The following RAI1 variants were observed in gnomAD, a reference collection of about 807,000 sequenced individuals.
RAI1 encodes the protein retinoic acid-induced protein 1.
In RAI1, 9 loss-of-function variants were observed where a neutral mutation model predicts 123.8. That is an observed-to-expected ratio of 0.07 (90% CI 0.04 to 0.13). The LOEUF (loss-of-function observed/expected upper bound fraction) is 0.13, where lower values mean the gene tolerates loss of function less well. Ranked by LOEUF, RAI1 falls within the 10% of genes least tolerant of loss-of-function variation. The pLI, the probability that RAI1 is intolerant of heterozygous loss-of-function variation, is 1.00. For missense variants in RAI1, 2,256 were observed against 2,545.8 expected (o/e 0.89, Z 2.45); for synonymous variants, 1,231 against 1,127.3 (o/e 1.09, Z -1.84).
At position 17,810,618 on chromosome 17, in the gene RAI1, C is replaced by T. The variant is rs1222706933; in HGVS notation, c.*637C>T. ...CCCGCCCAGCCTTTGCCAGATCTCT[C>T]GTGCGGTTCGGGCAAAGCCGGGGTA... On this transcript the variant is annotated 3_prime_UTR_variant, in exon 6 of 6. Transcript: ENST00000353383. The surrounding 1 kb of genome is among the most constrained non-coding windows in gnomAD (Gnocchi z 4.6). 1.5e-5 allele frequency: 5 copies of T among 331,338 alleles called. No individual in the cohort carries two copies. The highest frequency in any genetic ancestry group is 2.4e-5 in the Non-Finnish European group (4 of 165,506). The allele number at this position is 331,338 out of a possible 1,614,324, so 20.5% of individuals were successfully genotyped here.
At chr17:17,776,355 T>A (rs944444524) in intron 2 of RAI1, among the ~76,000 whole-genome samples, 1 of 152,244 alleles carries the variant, frequency 6.6e-6, no homozygotes, top group Non-Finnish European at 1.5e-5. Flanking sequence ...CAATTTCCTT[T>A]TTATACAAAT....
chr17:17,719,565 CTTTA>C (rs1373194331), intron 1 of RAI1, among the ~76,000 whole-genome samples: 10 of 152,312 alleles, frequency 6.6e-5, no homozygotes, highest in East Asian at 3.9e-4. Context: ...GCTTCCTTGG[CTTTA>C]TTTATTTTTC....
chr17:17,743,500 C>T (rs1163109818), intron 2 of RAI1, among the ~76,000 whole-genome samples: 1 of 152,238 alleles, frequency 6.6e-6, no homozygotes, highest in Non-Finnish European at 1.5e-5. Context: ...TCCAGGAGCC[C>T]AGTCGCTGCC....
intron 2 of RAI1, among the ~76,000 whole-genome samples, chr17:17,756,121 T>C (rs1157333254): frequency 2.0e-5 from 3 of 151,964 alleles, no homozygotes; most frequent in Non-Finnish European, 4.4e-5. Context: ...GGGACAGGAG[T>C]TCTGGAGCCT....
intron 1 of RAI1, among the ~76,000 whole-genome samples, chr17:17,716,967 A>G (rs1415684189): frequency 1.3e-5 from 2 of 152,132 alleles, no homozygotes; most frequent in Admixed American, 1.3e-4. Context: ...GTTGGGGCTG[A>G]GGCTTAGGCT....
chr17:17,791,475 C>G (rs2032011020), intron 2 of RAI1, among the ~76,000 whole-genome samples: 1 of 152,172 alleles, frequency 6.6e-6, no homozygotes, highest in Non-Finnish European at 1.5e-5. Context: ...GCCCCTCTCC[C>G]CCTCTCTTTG....
Position 17,793,466 on chromosome 17 carries a change from TCCAGCAGCCACCGCCGCC to T in RAI1, c.528_545del (p.Pro177_Pro182del). On this transcript the variant is annotated inframe_deletion, in exon 3 of 6. Transcript: ENST00000353383. ...CCCTTTCGGACTCACTCCCTGCACG[TCCAGCAGCCACCGCCGCC>T]CCAGCAGCCCCTGGCATACCCCAAG... The T allele has an allele frequency of 6.2e-7, 1 of 1,613,330 alleles. No homozygotes were observed. The highest frequency in any genetic ancestry group is 8.5e-7 in the Non-Finnish European group (1 of 1,179,682).
At chr17:17,700,585 G>A (rs1327693857) in intron 1 of RAI1, among the ~76,000 whole-genome samples, 1 of 152,164 alleles carries the variant, frequency 6.6e-6, no homozygotes. Flanking sequence ...CTGCGCGCCG[G>A]CCGGGACGGC....
intron 2 of RAI1, among the ~76,000 whole-genome samples, chr17:17,736,456 C>T (rs1035029307): frequency 2.0e-5 from 3 of 152,196 alleles, no homozygotes; most frequent in East Asian, 1.9e-4. Flanking sequence ...GAGGAACAGG[C>T]GGGGAGGAGG....
intron 3 of RAI1, 80 bp downstream of exon 3, chr17:17,798,593 T>TC: frequency 1.3e-6 from 2 of 1,569,518 alleles, no homozygotes; most frequent in Non-Finnish European, 1.7e-6. Context: ...GCCCCTTGTT[T>TC]CTAGTGCTAC....
chr17:17,789,484 C>T lies in RAI1; in HGVS notation c.-16-3449C>T, dbSNP rs986397780. On this transcript the variant is annotated intron_variant, in intron 2 of 5. Coordinates refer to ENST00000353383, the MANE Select transcript of RAI1 (RefSeq NM_030665.4). ...CACACTGCCGAAGGCCTGTGAGAGC[C>T]GCTGGCCTTGCACCGTAGGGTAGCT... 7.2e-5 allele frequency among the ~76,000 whole-genome samples: 11 copies of T among 152,322 alleles called. No homozygotes were observed. The East Asian group carries it at 9.6e-4, about 13-fold the overall frequency.
chr17:17,703,182 G>T (rs1915284903), intron 1 of RAI1, among the ~76,000 whole-genome samples: 1 of 152,190 alleles, frequency 6.6e-6, no homozygotes. Flanking sequence ...GGGACTTGGA[G>T]ACTCAAGGCT....
chr17:17,743,263 A>G (rs183232747), intron 2 of RAI1, among the ~76,000 whole-genome samples: 212 of 152,264 alleles, frequency 1.4e-3, no homozygotes, highest in African/African-American at 5.0e-3. Context: ...GTGCCTCCCA[A>G]TGGGCTCACA....
intron 2 of RAI1, among the ~76,000 whole-genome samples, chr17:17,756,582 G>A (rs954669914): frequency 6.6e-6 from 1 of 152,120 alleles, no homozygotes; most frequent in Non-Finnish European, 1.5e-5. Flanking sequence ...CCTCCCTTAC[G>A]TATAAAGGTA....
At position 17,799,655 on chromosome 17, in the gene RAI1, C is replaced by G. The variant is rs933905725; in HGVS notation, c.5565+1142C>G. On this transcript the variant is annotated intron_variant, in intron 3 of 5. Coordinates refer to ENST00000353383, the MANE Select transcript of RAI1 (RefSeq NM_030665.4). The surrounding 1 kb of genome is among the most constrained non-coding windows in gnomAD (Gnocchi z 4.5). ...TCAACCCACTATGTGCGGCTGAGGT[C>G]ACAGGGGAGCCAGAGGGGCTTGGCA... Among the ~76,000 whole-genome samples, 1 of 152,194 alleles carries G rather than the reference C, an allele frequency of 6.6e-6. No individual in the cohort carries two copies. Among genetic ancestry groups the G allele is most frequent in the African/African-American group, 2.4e-5 (1 of 41,446 alleles).
At chr17:17,808,386 A>ATT (rs1366016132) in intron 4 of RAI1, among the ~76,000 whole-genome samples, 24 of 130,134 alleles carry the variant, frequency 1.8e-4, no homozygotes, top group African/African-American at 7.0e-4. Context: ...ATTTTATTTT[A>ATT]TTATTTTATT....
chr17:17,803,598 C>T (rs1307345383), intron 3 of RAI1, among the ~76,000 whole-genome samples, 158 bp from the exon 4 acceptor site: 2 of 152,138 alleles, frequency 1.3e-5, no homozygotes, highest in Non-Finnish European at 2.9e-5. Context: ...GTTGCCCAGG[C>T]TGGTATCAAA....
At position 17,793,251 on chromosome 17, in the gene RAI1, C is replaced by T. The variant is rs143836684; in HGVS notation, c.303C>T (p.Gly101=). Residue 101 remains glycine (G), a synonymous_variant, in exon 3 of 6, where the codon GGC becomes GGT. Coordinates refer to ENST00000353383, the MANE Select transcript of RAI1 (RefSeq NM_030665.4). ...LQGRPAFPGY[G]VQDSSPYPGR... Reference sequence around the variant, plus strand: ...GGAGGCCGGCTTTCCCTGGCTACGGCGTCCAGGACAGCAGCCCCTACCCAG... The same window carrying T: ...GGAGGCCGGCTTTCCCTGGCTACGGTGTCCAGGACAGCAGCCCCTACCCAG... 173 of 1,611,610 alleles carry T rather than the reference C, an allele frequency of 1.1e-4. No individual in the cohort carries two copies. The African/African-American group carries it at 2.0e-3, about 19-fold the overall frequency.
chr17:17,710,043 C>T (rs1480953371), intron 1 of RAI1, among the ~76,000 whole-genome samples: 3 of 152,144 alleles, frequency 2.0e-5, no homozygotes, highest in East Asian at 1.9e-4. Context: ...CTCACACCCT[C>T]ACACACACAC....
Sources: allele counts gnomAD v4.1 joint callset (sites outside exome capture counted in the v4.1 genomes callset), GRCh38; gene constraint gnomAD v4.1.1; non-coding constraint Gnocchi (gnomAD v3.1); transcripts MANE v1.5; gene names NCBI Gene and HGNC (gene_info 2026-07-23, HGNC 2026-07-21).